Variants in CFAP70 observed in about 807,000 individuals in gnomAD.
CFAP70 encodes the protein cilia and flagella associated protein 70.
CFAP70 carries 81 observed loss-of-function variants against 137.6 expected under a neutral mutation model. That is an observed-to-expected ratio of 0.59 (90% CI 0.49 to 0.71). The LOEUF is 0.71. Among genes scored for constraint, CFAP70 ranks in the 30% least tolerant of loss-of-function variants. The pLI is 0.00. For synonymous variants in CFAP70, 382 were observed against 423.6 expected (o/e 0.90, Z 1.20); for missense variants, 976 against 1,226.7 (o/e 0.80, Z 3.05).
chr10:73,341,253 G>A, intron 6 of CFAP70, 146 bp downstream of exon 7: 2 of 635,166 alleles, frequency 3.1e-6, no homozygotes, highest in Non-Finnish European at 5.1e-6. Context: ...GAAGATATTT[G>A]AATCAGAATT....
rs79278687 is a variant in CFAP70, at chr10:73,273,316, T to A, written c.2836-299A>T. Among the ~76,000 whole-genome samples the A allele has an allele frequency of 3.8e-3, 579 of 152,358 alleles. 2 individuals carry two copies. The highest frequency in any genetic ancestry group is 0.013 in the African/African-American group (559 of 41,592). The stretch of plus-strand genomic sequence containing the variant: ...AGTGGGGGCAACCATCATGATTATC[T>A]GAATTCCACCTCCACTTCATGGATT... On this transcript the variant is annotated intron_variant, in intron 23 of 26. Coordinates refer to ENST00000310715, the Ensembl canonical transcript of CFAP70.
At chr10:73,290,791 G>T (rs567171352) in intron 19 of CFAP70, among the ~76,000 whole-genome samples, 50 of 152,206 alleles carry the variant, frequency 3.3e-4, no homozygotes, top group African/African-American at 1.2e-3. Context: ...TGTTAGAATG[G>T]TGCCCCTTTT....
intron 5 of CFAP70, among the ~76,000 whole-genome samples, chr10:73,344,804 C>T (rs1275765289): frequency 6.6e-6 from 1 of 151,880 alleles, no homozygotes; most frequent in Non-Finnish European, 1.5e-5. Flanking sequence ...AGAAATACAC[C>T]AAAATTGGCC....
At chr10:73,304,911 A>G (rs530242529) in intron 12 of CFAP70, among the ~76,000 whole-genome samples, 45 of 152,098 alleles carry the variant, frequency 3.0e-4, no homozygotes, top group African/African-American at 1.0e-3. Flanking sequence ...GAATGTTGGG[A>G]AAAAAGGGTT....
Position 73,265,152 on chromosome 10 carries a change from T to C in CFAP70, c.3027+4462A>G, listed in dbSNP as rs979947936. ...CATCCTGGCTAACACGGTGAAACCG[T>C]GTCTCTACTAAAAATACAAAAAATT... On this transcript the variant is annotated intron_variant, in intron 25 of 26. Coordinates refer to ENST00000310715, the Ensembl canonical transcript of CFAP70. Among the ~76,000 whole-genome samples, 7 of 152,076 alleles carry C rather than the reference T, an allele frequency of 4.6e-5. No homozygotes were observed. In the East Asian group the frequency reaches 5.8e-4, roughly 13 times the overall value.
At position 73,277,321 on chromosome 10, in the gene CFAP70, G is replaced by A. The variant is rs750091162; in HGVS notation, c.2439C>T (p.Pro813=). The change falls in exon 21 of 27, where the codon CCC becomes CCT. Residue 813 remains proline, a synonymous_variant. Coordinates refer to ENST00000310715, the Ensembl canonical transcript of CFAP70. The stretch of plus-strand genomic sequence containing the variant: ...TTTGAGAAACACCATAATGAAGGCC[G>A]GGATGCAGAAGAGCTGATGAATCTT... 34 of 1,613,858 alleles carry A rather than the reference G, an allele frequency of 2.1e-5. No individual in the cohort carries two copies. The East Asian group carries it at 2.7e-4, about 13-fold the overall frequency.
chr10:73,269,830 A>G, intron 24 of CFAP70, 115 bp from the exon 26 acceptor site: 1 of 584,690 alleles, frequency 1.7e-6, no homozygotes, highest in Non-Finnish European at 3.1e-6. Context: ...TTTTAGCATC[A>G]GAACTCTTTT....
intron 19 of CFAP70, among the ~76,000 whole-genome samples, chr10:73,283,472 C>T (rs57679558): frequency 0.1 from 15,657 of 152,162 alleles, 1,157 homozygotes; most frequent in East Asian, 0.3. Flanking sequence ...CATCTCCCTT[C>T]GGCCCTGTTA....
chr10:73,313,700 G>A (rs186725993), intron 9 of CFAP70, among the ~76,000 whole-genome samples: 379 of 152,008 alleles, frequency 2.5e-3, no homozygotes, highest in African/African-American at 8.6e-3. Flanking sequence ...AAAATTAGCC[G>A]GGTGTGGTTG....
rs2048593414 is a variant in CFAP70, at chr10:73,297,023, C to G, written c.1644+19G>C. On this transcript the variant is annotated intron_variant, in intron 15 of 26. Transcript: ENST00000310715. ...TGCTCTACAGAGAAAAGAAAGTGCTCTCAGTTCTTGACACTTACCTGGTTT... is the reference window on the plus strand; with the variant it reads ...TGCTCTACAGAGAAAAGAAAGTGCTGTCAGTTCTTGACACTTACCTGGTTT... 3 of 1,608,090 alleles carry G rather than the reference C, an allele frequency of 1.9e-6. No individual in the cohort carries two copies. The highest frequency in any genetic ancestry group is 1.3e-5 in the African/African-American group (1 of 74,620).
intron 6 of CFAP70, among the ~76,000 whole-genome samples, chr10:73,340,793 A>G (rs1438204094): frequency 6.6e-6 from 1 of 152,184 alleles, no homozygotes; most frequent in Non-Finnish European, 1.5e-5. Flanking sequence ...CCAAAATTGG[A>G]GCAGGCACCA....
intron 19 of CFAP70, among the ~76,000 whole-genome samples, chr10:73,279,667 T>C (rs2047112583): frequency 6.6e-6 from 1 of 152,050 alleles, no homozygotes; most frequent in Non-Finnish European, 1.5e-5. Context: ...AAGACCAGCC[T>C]GAGAAACACA....
chr10:73,329,796 C>T (rs1337506785), intron 8 of CFAP70, among the ~76,000 whole-genome samples: 2 of 151,990 alleles, frequency 1.3e-5, no homozygotes. Flanking sequence ...TGTCTAAATT[C>T]TCATTAATGG....
chr10:73,272,695 T>C, intron 24 of CFAP70: 1 of 597,910 alleles, frequency 1.7e-6, no homozygotes, highest in Non-Finnish European at 3.0e-6. Flanking sequence ...TTTTTTTTAT[T>C]ATGTAGCTTC....
rs1236928078 is a variant in CFAP70 at position 73,327,075 on chromosome 10, GC to G, written c.778-3979del. ...ACCAATATCCTTGATGAACATTGAT[GC>G]AAAAATCCTCAATAAAATACTGGCA... On this transcript the variant is annotated intron_variant, in intron 8 of 26. Transcript: ENST00000310715. Among the ~76,000 whole-genome samples the G allele has an allele frequency of 6.5e-4, 98 of 150,692 alleles. 1 individual carries two copies. Among genetic ancestry groups the G allele is most frequent in the Non-Finnish European group, 5.9e-5 (4 of 67,842 alleles).
intron 12 of CFAP70, among the ~76,000 whole-genome samples, chr10:73,304,939 T>C (rs2049261743): frequency 6.6e-6 from 1 of 152,032 alleles, no homozygotes; most frequent in African/African-American, 2.4e-5. Flanking sequence ...ACAAAGAGAA[T>C]CTGAATCCAG....
intron 15 of CFAP70, chr10:73,294,087 G>A (rs1794772056): frequency 6.6e-6 from 1 of 152,176 alleles, no homozygotes; most frequent in South Asian, 2.1e-4. Flanking sequence ...AATGTGGACA[G>A]TAAAGCCAAA....
intron 8 of CFAP70, among the ~76,000 whole-genome samples, chr10:73,329,730 A>G (rs2051873674): frequency 6.6e-6 from 1 of 152,240 alleles, no homozygotes; most frequent in African/African-American, 2.4e-5. Flanking sequence ...ACTCATACAA[A>G]TAAAAGGGAC....
chr10:73,351,664 C>A (rs969116597), intron 3 of CFAP70, among the ~76,000 whole-genome samples: 1 of 152,174 alleles, frequency 6.6e-6, no homozygotes, highest in African/African-American at 2.4e-5. Context: ...AACTCCTGAC[C>A]TTGTGATCCA....
Sources: allele counts gnomAD v4.1 joint callset (sites outside exome capture counted in the v4.1 genomes callset), GRCh38; gene constraint gnomAD v4.1.1; transcripts MANE v1.5; gene names NCBI Gene and HGNC (gene_info 2026-07-23, HGNC 2026-07-21).